Variants in AFAP1L1 observed in about 807,000 individuals in gnomAD.
AFAP1L1 encodes actin filament associated protein 1 like 1, also known as actin filament-associated protein 1-like 1.
A neutral mutation model predicts 99.8 loss-of-function variants in AFAP1L1; 77 were observed. The ratio of observed to expected loss-of-function variants is 0.77; its 90% CI spans 0.64 to 0.93. AFAP1L1 has a LOEUF of 0.93. Ranked by LOEUF, AFAP1L1 falls within the 40% of genes least tolerant of loss-of-function variation. The pLI, the probability that AFAP1L1 is intolerant of heterozygous loss-of-function variation, is 0.00. For synonymous variants in AFAP1L1, 373 were observed against 395.3 expected (o/e 0.94, Z 0.67); for missense variants, 893 against 996.8 (o/e 0.90, Z 1.40).
Position 149,307,519 on chromosome 5 carries a change from T to C in AFAP1L1, c.653T>C (p.Val218Ala). 1 of 1,614,048 alleles carries C rather than the reference T, an allele frequency of 6.2e-7. No individual in the cohort carries two copies. The highest frequency in any genetic ancestry group is 8.5e-7 in the Non-Finnish European group (1 of 1,179,994). Reference sequence around the variant, plus strand: ...TCAGAGGAGGCCTCCATGCACCTGGTGAGGGAATGCAGGATATGTGCCTTC... The same window carrying C: ...TCAGAGGAGGCCTCCATGCACCTGGCGAGGGAATGCAGGATATGTGCCTTC... ...WPSEEASMHLVRECRICAFLL... is the reference protein window; with the variant it reads ...WPSEEASMHLARECRICAFLL... Residue 218 changes from valine to alanine, a missense_variant, in exon 7 of 19, where the codon GTG becomes GCG. Physicochemically the swap from Val to Ala is moderately conservative, Grantham distance 64 (BLOSUM62 0). Transcript: ENST00000296721.
intron 14 of AFAP1L1, among the ~76,000 whole-genome samples, chr5:149,322,124 G>A (rs1358539783): frequency 6.6e-6 from 1 of 152,196 alleles, no homozygotes; most frequent in Non-Finnish European, 1.5e-5. Flanking sequence ...GGTTTCCTAA[G>A]CTTTCACTGG....
At chr5:149,334,886 A>G (rs1211749532) in intron 17 of AFAP1L1, among the ~76,000 whole-genome samples, 1 of 152,132 alleles carries the variant, frequency 6.6e-6, no homozygotes, top group African/African-American at 2.4e-5. Context: ...CTTACAAAAA[A>G]AAAAGAAAGA....
At chr5:149,274,383 A>C (rs1310134401) in intron 1 of AFAP1L1, among the ~76,000 whole-genome samples, 1 of 152,242 alleles carries the variant, frequency 6.6e-6, no homozygotes, top group Non-Finnish European at 1.5e-5. Context: ...AATCAGTTTG[A>C]GAATAGTACT....
At chr5:149,333,568 A>T (rs1757319014) in intron 17 of AFAP1L1, among the ~76,000 whole-genome samples, 1 of 152,076 alleles carries the variant, frequency 6.6e-6, no homozygotes, top group Non-Finnish European at 1.5e-5. Context: ...GTGCTCTCTC[A>T]GAGAGAACTT....
At chr5:149,307,308 G>A in intron 6 of AFAP1L1, 94 bp from the exon 7 acceptor site, 13 of 1,346,940 alleles carry the variant, frequency 9.7e-6, no homozygotes, top group African/African-American at 1.4e-5. Flanking sequence ...TGCCTTCCTA[G>A]CCTCAGTCCC....
chr5:149,320,609 C>G lies in AFAP1L1; in HGVS notation c.1698+146C>G. On this transcript the variant is annotated intron_variant, in intron 14 of 18. Coordinates refer to ENST00000296721, the MANE Select transcript of AFAP1L1 (RefSeq NM_152406.4). The surrounding 1 kb of genome is among the most constrained non-coding windows in gnomAD (Gnocchi z 4.0). ...AGGGGAGCCCCTTCTTATCATAGAG[C>G]ATGGCTCAGGATGAGGAATCCCTGG... 1.3e-6 allele frequency: 1 copy of G among 745,736 alleles called. No individual in the cohort carries two copies. The highest frequency in any genetic ancestry group is 2.2e-6 in the Non-Finnish European group (1 of 457,540). 46.2% of individuals were successfully genotyped at this position (745,736 alleles called of 1,614,324 possible).
chr5:149,289,256 T>G (rs1467324356), intron 1 of AFAP1L1, among the ~76,000 whole-genome samples: 1 of 152,342 alleles, frequency 6.6e-6, no homozygotes, highest in South Asian at 2.1e-4. Context: ...TTATGAATGC[T>G]TTTGTGTTTC....
chr5:149,336,014 G>A (rs1256114000), intron 18 of AFAP1L1, among the ~76,000 whole-genome samples: 1 of 152,124 alleles, frequency 6.6e-6, no homozygotes, highest in Non-Finnish European at 1.5e-5. Context: ...ACTGAAAATC[G>A]AGGACGATGG....
intron 1 of AFAP1L1, among the ~76,000 whole-genome samples, chr5:149,290,385 G>A (rs1755813588): frequency 6.6e-6 from 1 of 152,200 alleles, no homozygotes; most frequent in Non-Finnish European, 1.5e-5. Context: ...CATGTGTCGG[G>A]GCCTGTTCCC....
In AFAP1L1 at chr5:149,318,081, G is replaced by A. The variant is rs1049205069; in HGVS notation, c.1479+141G>A. 8.5e-6 allele frequency: 8 copies of A among 944,678 alleles called. No homozygotes were observed. The African/African-American group carries it at 1.3e-4, about 16-fold the overall frequency. The allele number at this position is 944,678 out of a possible 1,614,324, so 58.5% of individuals were successfully genotyped here. A position where few individuals can be genotyped will look rare whatever the true frequency, so the allele number is the denominator to read the frequency against. Reference sequence around the variant, plus strand: ...AAAGCAAGCCTCACTCCTGTCAGGTGACCCAAGTAGATTATAAGACAACAC... The same window carrying A: ...AAAGCAAGCCTCACTCCTGTCAGGTAACCCAAGTAGATTATAAGACAACAC... On this transcript the variant is annotated intron_variant, in intron 12 of 18. Coordinates refer to ENST00000296721, the MANE Select transcript of AFAP1L1 (RefSeq NM_152406.4).
intron 17 of AFAP1L1, among the ~76,000 whole-genome samples, chr5:149,333,345 A>G (rs1431219410): frequency 6.6e-6 from 1 of 152,176 alleles, no homozygotes; most frequent in African/African-American, 2.4e-5. Context: ...GAAGTGGGAG[A>G]CGGGATTCCA....
rs539509402 is a variant in AFAP1L1 at position 149,307,323 on chromosome 5, G to T, written c.536-79G>T. 3 of 1,466,976 alleles carry T rather than the reference G, an allele frequency of 2.0e-6. No individual in the cohort carries two copies. The South Asian group carries it at 3.5e-5, about 17-fold the overall frequency. The allele number at this position is 1,466,976 out of a possible 1,614,324, so 90.9% of individuals were successfully genotyped here. A position where few individuals can be genotyped will look rare whatever the true frequency, so the allele number is the denominator to read the frequency against. Reference sequence around the variant, plus strand: ...TGCCTTCCTAGCCTCAGTCCCCAGTGCAGGGATCGCTGCAGAGGGGTGAGA... The same window carrying T: ...TGCCTTCCTAGCCTCAGTCCCCAGTTCAGGGATCGCTGCAGAGGGGTGAGA... On this transcript the variant is annotated intron_variant, in intron 6 of 18. Coordinates refer to ENST00000296721, the MANE Select transcript of AFAP1L1 (RefSeq NM_152406.4).
intron 7 of AFAP1L1, 112 bp from the exon 8 acceptor site, chr5:149,309,844 T>G (rs139177386): frequency 7.4e-5 from 97 of 1,318,880 alleles, no homozygotes; most frequent in East Asian, 9.6e-5. Flanking sequence ...CTAGGCTGGG[T>G]GGGGGAGGTC....
chr5:149,338,503 C>T (rs560139464), intron 18 of AFAP1L1, among the ~76,000 whole-genome samples: 2 of 152,286 alleles, frequency 1.3e-5, no homozygotes, highest in East Asian at 3.9e-4. Flanking sequence ...GCTGGAGCTG[C>T]ATCCTCAGGT....
rs1006340870 is a variant in AFAP1L1 at position 149,326,408 on chromosome 5, G to A, written c.1811-3258G>A. ...ACAAAAATTAGCCAGGCATGGTGGC[G>A]GGCACCTGTAATCCCAGCTACTCGG... On this transcript the variant is annotated intron_variant, in intron 15 of 18. Coordinates refer to ENST00000296721, the MANE Select transcript of AFAP1L1 (RefSeq NM_152406.4). Among the ~76,000 whole-genome samples the A allele has an allele frequency of 5.9e-5, 9 of 151,762 alleles. No individual in the cohort carries two copies. The South Asian group carries it at 6.2e-4, about 11-fold the overall frequency.
intron 7 of AFAP1L1, 66 bp from the exon 8 acceptor site, chr5:149,309,890 G>A: frequency 3.1e-6 from 5 of 1,604,028 alleles, no homozygotes; most frequent in Non-Finnish European, 4.3e-6. Flanking sequence ...GAGCCTTTGT[G>A]TGAGGATGTC....
chr5:149,285,338 A>G (rs1755643705), intron 1 of AFAP1L1, among the ~76,000 whole-genome samples: 1 of 152,182 alleles, frequency 6.6e-6, no homozygotes, highest in South Asian at 2.1e-4. Flanking sequence ...CAGCAACATT[A>G]GTAATCATAA....
chr5:149,295,528 A>AGAGG (rs1755988760), intron 1 of AFAP1L1, among the ~76,000 whole-genome samples: 1 of 84 alleles, frequency 0.012, no homozygotes, highest in Non-Finnish European at 0.036. Flanking sequence ...AAAGAAAGAA[A>AGAGG]GACAGAAGGA....
At chr5:149,277,336 C>G (rs1419115775) in intron 1 of AFAP1L1, among the ~76,000 whole-genome samples, 1 of 152,200 alleles carries the variant, frequency 6.6e-6, no homozygotes, top group Admixed American at 6.5e-5. Context: ...CATTGCTCAA[C>G]AGATGATCTG....
Sources: allele counts gnomAD v4.1 joint callset (sites outside exome capture counted in the v4.1 genomes callset), GRCh38; gene constraint gnomAD v4.1.1; non-coding constraint Gnocchi (gnomAD v3.1); transcripts MANE v1.5; gene names NCBI Gene and HGNC (gene_info 2026-07-23, HGNC 2026-07-21).